Variants in GK5 observed in about 807,000 individuals in gnomAD.
GK5 encodes the protein glycerol kinase 5, also known as ATP:glycerol 3-phosphotransferase 5.
GK5 carries 39 observed loss-of-function variants against 77.3 expected under a neutral mutation model. That is an observed-to-expected ratio of 0.50 (90% confidence interval 0.39 to 0.66). The LOEUF (loss-of-function observed/expected upper bound fraction) is 0.66. Ranked by LOEUF, GK5 falls within the 30% of genes least tolerant of loss-of-function variation. The pLI, the probability that GK5 is intolerant of heterozygous loss-of-function variation, is 0.00. For missense variants in GK5, 487 were observed against 633.8 expected (o/e 0.77, Z 2.49); for synonymous variants, 211 against 208.0 (o/e 1.01, Z -0.13).
In GK5 at chr3:142,217,540, ATTT is replaced by A. The variant is rs2064289750; in HGVS notation, c.148-1851_148-1849del. ...CCCAGGACATAGCAAAAGGTCTAAT[ATTT>A]GTTTAATCAGGGGTCTCCAAAGAAG... On this transcript the variant is annotated intron_variant, in intron 1 of 15. Coordinates refer to ENST00000392993, the MANE Select transcript of GK5 (RefSeq NM_001039547.3). Among the ~76,000 whole-genome samples, 4 of 152,166 alleles carry A rather than the reference ATTT, an allele frequency of 2.6e-5. 1 individual carries two copies. In the South Asian group the frequency reaches 8.3e-4, roughly 31 times the overall value.
intron 3 of GK5, among the ~76,000 whole-genome samples, chr3:142,207,622 A>G (rs1348782176): frequency 6.6e-6 from 1 of 152,168 alleles, no homozygotes; most frequent in Non-Finnish European, 1.5e-5. Flanking sequence ...TAATCAAATG[A>G]CCCTAAATCT....
At chr3:142,209,526 A>G (rs2064162930) in intron 3 of GK5, among the ~76,000 whole-genome samples, 1 of 152,192 alleles carries the variant, frequency 6.6e-6, no homozygotes, top group Non-Finnish European at 1.5e-5. Context: ...CTCTATCAAC[A>G]AAAAAAGGAA....
intron 11 of GK5, among the ~76,000 whole-genome samples, chr3:142,177,847 CG>C (rs1478240975): frequency 6.8e-6 from 1 of 147,936 alleles, no homozygotes; most frequent in Non-Finnish European, 1.5e-5. Context: ...GCAGGACTTA[CG>C]TTTTTTTTCT....
chr3:142,174,401 G>C (rs758989163), intron 12 of GK5, among the ~76,000 whole-genome samples: 11 of 152,278 alleles, frequency 7.2e-5, no homozygotes, highest in Non-Finnish European at 1.2e-4. Context: ...ATATCAGATG[G>C]TATAGTATCA....
At chr3:142,195,353 T>C (rs559962635) in intron 5 of GK5, among the ~76,000 whole-genome samples, 2 of 152,126 alleles carry the variant, frequency 1.3e-5, no homozygotes, top group Non-Finnish European at 2.9e-5. Context: ...GTGTGGTTTC[T>C]TTCCAGAGAC....
intron 4 of GK5, among the ~76,000 whole-genome samples, chr3:142,200,687 A>G (rs2064008236): frequency 6.6e-6 from 1 of 152,220 alleles, no homozygotes; most frequent in Admixed American, 6.5e-5. Flanking sequence ...AAATGTAGAT[A>G]ACTCAGGATG....
chr3:142,198,022 A>C (rs1396711609), intron 5 of GK5, among the ~76,000 whole-genome samples: 1 of 141,738 alleles, frequency 7.1e-6, no homozygotes, highest in East Asian at 2.0e-4. Flanking sequence ...ACTCTGTCTC[A>C]AAAAAAAAAA....
At chr3:142,198,964 T>C (rs2063976760) in intron 4 of GK5, 31 bp from the exon 5 acceptor site, 3 of 1,550,416 alleles carry the variant, frequency 1.9e-6, no homozygotes, top group Non-Finnish European at 2.6e-6. Flanking sequence ...TTTAGGAAAA[T>C]GCATTTAGTA....
intron 5 of GK5, among the ~76,000 whole-genome samples, chr3:142,194,724 T>C (rs7609682): frequency 0.5 from 75,555 of 150,602 alleles, 21,901 homozygotes; most frequent in African/African-American, 0.81. Flanking sequence ...GATCTTATAC[T>C]CTCCCACCTT....
chr3:142,165,757 G>T lies in GK5; in HGVS notation c.1455C>A (p.Asp485Glu), dbSNP rs764864361. 29 of 1,609,578 alleles carry T rather than the reference G, an allele frequency of 1.8e-5. No individual in the cohort carries two copies. The highest frequency in any genetic ancestry group is 8.5e-7 in the Non-Finnish European group (1 of 1,177,986). ...LAGLAVGFWTDKEELKKLRQS... is the reference protein window; with the variant it reads ...LAGLAVGFWTEKEELKKLRQS... ...GTCTCAGTTTCTTTAGTTCCTCCTT[G>T]TCAGTCCAAAACCCTATAGATAAAA... The change falls in exon 16 of 16, where the codon GAC (aspartate) becomes GAA (glutamate). Residue 485 changes from aspartate (D) to glutamate (E), a missense_variant. By Grantham distance (45) the Asp-to-Glu change is conservative. This residue lies in a region of GK5 where 65 missense variants were observed against 89.9 expected (regional missense o/e 0.72). Transcript: ENST00000392993.
At chr3:142,186,590 C>A (rs1560218755) in intron 6 of GK5, 77 bp from the exon 7 acceptor site, 2 of 565,406 alleles carry the variant, frequency 3.5e-6, no homozygotes, top group East Asian at 6.6e-5. Context: ...ATAATATAGA[C>A]CTTTGTCTAC....
chr3:142,219,663 G>A (rs1374653565), intron 1 of GK5, among the ~76,000 whole-genome samples: 3 of 152,176 alleles, frequency 2.0e-5, no homozygotes, highest in East Asian at 1.9e-4. Flanking sequence ...ACCAAAAGTC[G>A]ATTTTACTTT....
rs1302838640 is a variant in GK5, at chr3:142,162,028, G to C, written c.*3594C>G. 12 of 152,176 alleles carry C rather than the reference G, an allele frequency of 7.9e-5. No homozygotes were observed. Among genetic ancestry groups the C allele is most frequent in the African/African-American group, 2.9e-4 (12 of 41,436 alleles). 9.4% of individuals were successfully genotyped at this position (152,176 alleles called of 1,614,324 possible). A position where few individuals can be genotyped will look rare whatever the true frequency, so the allele number is the denominator to read the frequency against. Reference sequence around the variant, plus strand: ...TTGCCCAGGCTGGTCTCAAACTCCTGAGCTGAAGTGATCCGCCTGCCTTGG... The same window carrying C: ...TTGCCCAGGCTGGTCTCAAACTCCTCAGCTGAAGTGATCCGCCTGCCTTGG... On this transcript the variant is annotated 3_prime_UTR_variant, in exon 16 of 16. Coordinates refer to ENST00000392993, the MANE Select transcript of GK5 (RefSeq NM_001039547.3).
rs1455531242 is a variant in GK5 at position 142,165,718 on chromosome 3, A to G, written c.1494T>C (p.Val498=). 3.1e-6 allele frequency: 5 copies of G among 1,613,160 alleles called. No individual in the cohort carries two copies. Among genetic ancestry groups the G allele is most frequent in the Admixed American group, 3.3e-5 (2 of 59,920 alleles). ...CTTGACATTTCTTCTGTGGCTTGAA[A>G]ACCACTTCACTTTGTCTCAGTTTCT... ...ELKKLRQSEV[V]FKPQKKCQEY... The change falls in exon 16 of 16, where the codon GTT becomes GTC. Residue 498 remains valine, a synonymous_variant. Coordinates refer to ENST00000392993, the MANE Select transcript of GK5 (RefSeq NM_001039547.3).
Position 142,225,517 on chromosome 3 carries a change from T to A in GK5, c.-62A>T, listed in dbSNP as rs1031515289. On this transcript the variant is annotated 5_prime_UTR_variant, in exon 1 of 16. Coordinates refer to ENST00000392993, the MANE Select transcript of GK5 (RefSeq NM_001039547.3). ...CCAGAGGGCGCGCTACAAATCCCAA[T>A]GCTCCAGAGTCCCCGGGCGGCCCAA... The A allele has an allele frequency of 6.4e-7, 1 of 1,553,420 alleles. No homozygotes were observed. Among genetic ancestry groups the A allele is most frequent in the Non-Finnish European group, 8.6e-7 (1 of 1,157,574 alleles).
chr3:142,214,547 A>T (rs1377095990), intron 2 of GK5, among the ~76,000 whole-genome samples: 4 of 152,216 alleles, frequency 2.6e-5, no homozygotes, highest in Non-Finnish European at 4.4e-5. Flanking sequence ...CCTGAATCTA[A>T]CTGGGAGGAA....
intron 4 of GK5, among the ~76,000 whole-genome samples, chr3:142,202,328 T>C (rs1481115450): frequency 6.6e-6 from 1 of 152,154 alleles, no homozygotes; most frequent in East Asian, 1.9e-4. Flanking sequence ...TGGCAAGAGA[T>C]TGCAAACACA....
intron 12 of GK5, among the ~76,000 whole-genome samples, chr3:142,175,797 C>A (rs2063601544): frequency 6.7e-6 from 1 of 150,268 alleles, no homozygotes; most frequent in Non-Finnish European, 1.5e-5. Flanking sequence ...TTGTCTAAAT[C>A]TTTTGGGTTT....
chr3:142,171,091 C>T (rs553024531), intron 14 of GK5, among the ~76,000 whole-genome samples: 55 of 152,050 alleles, frequency 3.6e-4, no homozygotes, highest in African/African-American at 1.1e-3. Flanking sequence ...ATTAGCTGGG[C>T]GTGGTGGTGC....
Sources: allele counts gnomAD v4.1 joint callset (sites outside exome capture counted in the v4.1 genomes callset), GRCh38; gene constraint gnomAD v4.1.1; regional missense constraint gnomAD v4.1.1; transcripts MANE v1.5; gene names NCBI Gene and HGNC (gene_info 2026-07-23, HGNC 2026-07-21).